Variants in PRKN observed in about 807,000 individuals in gnomAD.
The protein encoded by PRKN is E3 ubiquitin-protein ligase parkin.
A neutral mutation model predicts 59.5 loss-of-function variants in PRKN; 56 were observed. That is an observed-to-expected ratio of 0.94 (90% CI 0.76 to 1.18). The LOEUF (loss-of-function observed/expected upper bound fraction) is 1.18, where lower values mean the gene tolerates loss of function less well. Ranked by LOEUF, PRKN falls within the 50% of genes most tolerant of loss-of-function variation. The pLI is 0.00. For missense variants in PRKN, 657 were observed against 596.4 expected, an observed-to-expected ratio of 1.10 and a Z score of -1.06; for synonymous variants, 250 against 222.1, an observed-to-expected ratio of 1.13 and a Z score of -1.12.
intron 6 of PRKN, among the ~76,000 whole-genome samples, chr6:161,859,775 G>A (rs979500821): frequency 6.6e-6 from 1 of 152,062 alleles, no homozygotes; most frequent in African/African-American, 2.4e-5. Flanking sequence ...GTGTTAGAAG[G>A]CCTGAAACTA....
At chr6:161,968,938 A>C (rs1780690847) in intron 6 of PRKN, among the ~76,000 whole-genome samples, 1 of 152,242 alleles carries the variant, frequency 6.6e-6, no homozygotes, top group Admixed American at 6.5e-5. Context: ...CATATGGAGA[A>C]AGTTTCACAT....
At chr6:161,854,566 T>C (rs1488593825) in intron 6 of PRKN, among the ~76,000 whole-genome samples, 1 of 152,184 alleles carries the variant, frequency 6.6e-6, no homozygotes, top group Non-Finnish European at 1.5e-5. Context: ...TGTACTTACC[T>C]ACATATAACT....
At chr6:161,969,430 G>T (rs758020471) in intron 6 of PRKN, among the ~76,000 whole-genome samples, 15 of 152,236 alleles carry the variant, frequency 9.9e-5, no homozygotes, top group African/African-American at 3.6e-4. Context: ...GCTGTTTGGG[G>T]TGGGGAGGAG....
intron 2 of PRKN, among the ~76,000 whole-genome samples, chr6:162,335,298 T>C (rs1783788960): frequency 6.6e-6 from 1 of 152,126 alleles, no homozygotes; most frequent in Non-Finnish European, 1.5e-5. Flanking sequence ...TGCCTCGGCC[T>C]CCCAAAGTGC....
In PRKN at chr6:161,451,358, T is replaced by C. The variant is rs1464764056; in HGVS notation, c.1084-64481A>G. 2.0e-5 allele frequency among the ~76,000 whole-genome samples: 3 copies of C among 152,198 alleles called. No homozygotes were observed. The highest frequency in any genetic ancestry group is 7.2e-5 in the African/African-American group (3 of 41,444). ...GTCTTCTGTCAGCTCCCTCTTGATT[T>C]TGGGACCAAGCATTGAATATAAAGT... On this transcript the variant is annotated intron_variant, in intron 9 of 11. Coordinates refer to ENST00000366898, the MANE Select transcript of PRKN (RefSeq NM_004562.3). This position sits in a 1 kb window ranked among gnomAD's most constrained non-coding sequence, Gnocchi z 5.9.
At chr6:162,642,316 A>C (rs1409757532) in intron 1 of PRKN, among the ~76,000 whole-genome samples, 2 of 152,206 alleles carry the variant, frequency 1.3e-5, no homozygotes, top group African/African-American at 2.4e-5. Context: ...CCATAAAATA[A>C]GAACCAAAAA....
At chr6:162,361,283 A>G (rs991686440) in intron 2 of PRKN, among the ~76,000 whole-genome samples, 3 of 152,100 alleles carry the variant, frequency 2.0e-5, no homozygotes, top group African/African-American at 4.8e-5. Context: ...AAAAATTCAT[A>G]TGTTGAACCC....
chr6:162,244,707 T>A lies in PRKN; in HGVS notation c.412+17818A>T, dbSNP rs11964489. On this transcript the variant is annotated intron_variant, in intron 3 of 11. Coordinates refer to ENST00000366898, the MANE Select transcript of PRKN (RefSeq NM_004562.3). ...TTGGGGTGAAGTGGTTGTTTTTGCATCAGGGTATATGGAATTAATGTTGAT... is the reference window on the plus strand; with the variant it reads ...TTGGGGTGAAGTGGTTGTTTTTGCAACAGGGTATATGGAATTAATGTTGAT... 7.0e-3 allele frequency among the ~76,000 whole-genome samples: 1,067 copies of A among 152,190 alleles called. 13 individuals are homozygous for A. Among genetic ancestry groups the A allele is most frequent in the African/African-American group, 0.024 (1,005 of 41,554 alleles).
At chr6:161,682,796 C>T (rs978268065) in intron 7 of PRKN, among the ~76,000 whole-genome samples, 2 of 152,176 alleles carry the variant, frequency 1.3e-5, no homozygotes, top group African/African-American at 4.8e-5. Context: ...ATGGCCACAG[C>T]ATGAAGAACC....
At chr6:161,750,764 G>T (rs1788656729) in intron 7 of PRKN, among the ~76,000 whole-genome samples, 1 of 145,590 alleles carries the variant, frequency 6.9e-6, no homozygotes, top group Admixed American at 6.9e-5. Context: ...TGAAACTCTT[G>T]TCTCAAAAAA....
At chr6:161,630,616 T>C (rs1783266804) in intron 7 of PRKN, among the ~76,000 whole-genome samples, 1 of 152,154 alleles carries the variant, frequency 6.6e-6, no homozygotes, top group African/African-American at 2.4e-5. Flanking sequence ...AGAGTCAAAT[T>C]CAAACTTTCA....
rs147262114 is a variant in PRKN at position 161,561,667 on chromosome 6, T to A, written c.933+7688A>T. On this transcript the variant is annotated intron_variant, in intron 8 of 11. Coordinates refer to ENST00000366898, the MANE Select transcript of PRKN (RefSeq NM_004562.3). The surrounding 1 kb of genome is among the most constrained non-coding windows in gnomAD (Gnocchi z 5.0). ...CTCCCTCTCTGCTGGATCTGAGCCC[T>A]TCTTGCCTTCCAAAGTACTTCCCTT... 2.2e-4 allele frequency among the ~76,000 whole-genome samples: 33 copies of A among 152,284 alleles called. No homozygotes were observed. Among genetic ancestry groups the A allele is most frequent in the Admixed American group, 7.2e-4 (11 of 15,292 alleles).
chr6:161,393,810 AT>A lies in PRKN; in HGVS notation c.1084-6934del, dbSNP rs1419485086. Among the ~76,000 whole-genome samples, 2 of 151,636 alleles carry A rather than the reference AT, an allele frequency of 1.3e-5. No homozygotes were observed. Among genetic ancestry groups the A allele is most frequent in the African/African-American group, 4.9e-5 (2 of 41,188 alleles). On this transcript the variant is annotated intron_variant, in intron 9 of 11. Transcript: ENST00000366898. The surrounding 1 kb of genome is among the most constrained non-coding windows in gnomAD (Gnocchi z 4.7). ...TCATGGCTGCATCTATTATAAAAGCATTCTATTATGTGCATTTATTTTTCTT... is the reference window on the plus strand; with the variant it reads ...TCATGGCTGCATCTATTATAAAAGCATCTATTATGTGCATTTATTTTTCTT...
intron 7 of PRKN, among the ~76,000 whole-genome samples, chr6:161,713,849 G>T (rs993640418): frequency 6.6e-6 from 1 of 152,204 alleles, no homozygotes; most frequent in South Asian, 2.1e-4. Flanking sequence ...TCATGGGGCC[G>T]GGTTTTTGCC....
chr6:161,935,302 C>T (rs1779313667), intron 6 of PRKN, among the ~76,000 whole-genome samples: 1 of 151,920 alleles, frequency 6.6e-6, no homozygotes, highest in African/African-American at 2.4e-5. Flanking sequence ...ACCTGTAATC[C>T]CAACACTTTG....
At chr6:162,093,241 CTAATGCCTTTG>C (rs1396422923) in intron 4 of PRKN, among the ~76,000 whole-genome samples, 1 of 152,180 alleles carries the variant, frequency 6.6e-6, no homozygotes, top group East Asian at 1.9e-4. Flanking sequence ...GTCACTCCCA[CTAATGCCTTTG>C]TACTGTGAAA....
At position 161,463,138 on chromosome 6, in the gene PRKN, G is replaced by A. The variant is rs570496470; in HGVS notation, c.1084-76261C>T. On this transcript the variant is annotated intron_variant, in intron 9 of 11. Transcript: ENST00000366898. This position sits in a 1 kb window ranked among gnomAD's most constrained non-coding sequence, Gnocchi z 4.8. ...AGTGTGAGCCCTTCTGGCTGGAGTG[G>A]TCAGTGATATATTATTGAAGAAGGT... Among the ~76,000 whole-genome samples the A allele has an allele frequency of 1.8e-4, 27 of 152,288 alleles. No individual in the cohort carries two copies. Among genetic ancestry groups the A allele is most frequent in the Middle Eastern group, 6.8e-3 (2 of 294 alleles).
chr6:162,241,660 GTTTC>G (rs886815516), intron 3 of PRKN, among the ~76,000 whole-genome samples: 3 of 151,922 alleles, frequency 2.0e-5, no homozygotes, highest in African/African-American at 7.2e-5. Flanking sequence ...GCTACCCTAA[GTTTC>G]TTTATTTTAA....
intron 1 of PRKN, among the ~76,000 whole-genome samples, chr6:162,647,972 A>AG (rs1395061676): frequency 1.5e-4 from 21 of 143,076 alleles, no homozygotes; most frequent in African/African-American, 4.2e-4. Context: ...AAAAAAAAAA[A>AG]AAAAAGTCTA....
Sources: allele counts gnomAD v4.1 joint callset (sites outside exome capture counted in the v4.1 genomes callset), GRCh38; gene constraint gnomAD v4.1.1; non-coding constraint Gnocchi (gnomAD v3.1); transcripts MANE v1.5; gene names NCBI Gene and HGNC (gene_info 2026-07-23, HGNC 2026-07-21).